The following DIAPH2 variants were observed in gnomAD, a reference collection of about 807,000 sequenced individuals.
DIAPH2 encodes the protein diaphanous related formin 2, also known as protein diaphanous homolog 2.
DIAPH2 carries 35 observed loss-of-function variants against 92.7 expected under a neutral mutation model. The ratio of observed to expected loss-of-function variants is 0.38; its 90% CI spans 0.29 to 0.50. The LOEUF is 0.50. Among genes scored for constraint, DIAPH2 ranks in the 20% least tolerant of loss-of-function variants. The pLI is 0.94. For synonymous variants in DIAPH2, 301 were observed against 280.4 expected, an observed-to-expected ratio of 1.07 and a Z score of -0.73; for missense variants, 701 against 819.5, an observed-to-expected ratio of 0.86 and a Z score of 1.77.
chrX:97,262,403 T>C (rs2068296166), intron 23 of DIAPH2, among the ~76,000 whole-genome samples: 1 of 111,557 alleles, frequency 9.0e-6, no homozygotes, highest in South Asian at 3.7e-4. Context: ...CTGTAAGGAA[T>C]GAGCATGAGT....
intron 26 of DIAPH2, among the ~76,000 whole-genome samples, chrX:97,524,930 G>A (rs1351542183): frequency 8.9e-6 from 1 of 112,167 alleles, no homozygotes; most frequent in African/African-American, 3.2e-5. Flanking sequence ...ATAATGAAAT[G>A]CCTGCTGGAC....
intron 23 of DIAPH2, among the ~76,000 whole-genome samples, chrX:97,268,701 G>T (rs2068358725): frequency 9.0e-6 from 1 of 111,526 alleles, no homozygotes; most frequent in Non-Finnish European, 1.9e-5. Context: ...ACCTTTCAAG[G>T]TTATGGAAAT....
At position 97,603,714 on chromosome X, in the gene DIAPH2, G is replaced by A. The variant is rs1383664028; in HGVS notation, c.*4397G>A. On this transcript the variant is annotated 3_prime_UTR_variant, in exon 27 of 27. Coordinates refer to ENST00000324765, the MANE Select transcript of DIAPH2 (RefSeq NM_006729.5). ...TCACACTACTGTAGTAGACAATTTA[G>A]ATAGATAAACTTTTTGCCACTATAT... The A allele has an allele frequency of 2.7e-5, 3 of 112,266 alleles. No homozygotes were observed. Among genetic ancestry groups the A allele is most frequent in the Non-Finnish European group, 5.6e-5 (3 of 53,290 alleles). The allele number at this position is 112,266 out of a possible 1,213,427, so 9.3% of individuals were successfully genotyped here.
At chrX:97,576,024 TCTCC>T (rs779804334) in intron 26 of DIAPH2, among the ~76,000 whole-genome samples, 95 of 111,398 alleles carry the variant, frequency 8.5e-4, no homozygotes, top group Admixed American at 4.7e-3. Context: ...TTCAAAGCTG[TCTCC>T]CATACTAGCC....
chrX:96,787,684 C>CT (rs1194131993), intron 4 of DIAPH2, among the ~76,000 whole-genome samples: 1 of 81,485 alleles, frequency 1.2e-5, no homozygotes, highest in East Asian at 4.6e-4. Context: ...TTACTCTTTT[C>CT]TCTTTTTTTT....
chrX:97,095,696 C>A (rs959354145), intron 19 of DIAPH2, among the ~76,000 whole-genome samples: 1 of 110,813 alleles, frequency 9.0e-6, no homozygotes, highest in Non-Finnish European at 1.9e-5. Flanking sequence ...CTTAACTAAC[C>A]TTTAAGTGTT....
At chrX:97,286,126 T>C (rs1487818432) in intron 23 of DIAPH2, among the ~76,000 whole-genome samples, 1 of 106,105 alleles carries the variant, frequency 9.4e-6, no homozygotes, top group Non-Finnish European at 1.9e-5. Flanking sequence ...CTGCAACTTC[T>C]GCCTCCCGGG....
At position 96,975,197 on chromosome X, in the gene DIAPH2, G is replaced by A. The variant is rs994702831; in HGVS notation, c.2050+9990G>A. The stretch of plus-strand genomic sequence containing the variant: ...AGATTGAAGTTGTGTGTATGTAAAA[G>A]CACTTTTTCTTTAGGATCATATTTT... On this transcript the variant is annotated intron_variant, in intron 17 of 26. Coordinates refer to ENST00000324765, the MANE Select transcript of DIAPH2 (RefSeq NM_006729.5). 2.7e-5 allele frequency among the ~76,000 whole-genome samples: 3 copies of A among 111,540 alleles called. No homozygotes were observed. The Admixed American group carries it at 2.9e-4, about 11-fold the overall frequency.
chrX:97,524,238 G>A (rs982804709), intron 26 of DIAPH2, among the ~76,000 whole-genome samples: 1 of 112,063 alleles, frequency 8.9e-6, no homozygotes, highest in Non-Finnish European at 1.9e-5. Context: ...AATATTTATA[G>A]TAGTTGCTCA....
chrX:97,580,229 G>A (rs2071429423), intron 26 of DIAPH2, among the ~76,000 whole-genome samples: 1 of 95,382 alleles, frequency 1.0e-5, no homozygotes, highest in African/African-American at 3.8e-5. Flanking sequence ...GTGAGAGAGG[G>A]CATCCCTGTC....
chrX:97,304,025 G>A (rs1337045890), intron 23 of DIAPH2, among the ~76,000 whole-genome samples: 3 of 111,719 alleles, frequency 2.7e-5, no homozygotes, highest in Non-Finnish European at 5.6e-5. Flanking sequence ...GAAATATTCA[G>A]GGGGAGAAAA....
At chrX:96,955,937 G>A (rs1191106935) in intron 15 of DIAPH2, among the ~76,000 whole-genome samples, 1 of 112,400 alleles carries the variant, frequency 8.9e-6, no homozygotes. Context: ...TCATTCTGGG[G>A]TCTGGAGGAT....
intron 5 of DIAPH2, among the ~76,000 whole-genome samples, chrX:96,893,305 CT>C (rs2065319843): frequency 1.8e-5 from 2 of 111,086 alleles, no homozygotes; most frequent in African/African-American, 3.3e-5. Context: ...ATCCAAGTTT[CT>C]TTGTGTGGAG....
At chrX:96,942,753 T>A (rs2065713073) in intron 13 of DIAPH2, among the ~76,000 whole-genome samples, 1 of 111,406 alleles carries the variant, frequency 9.0e-6, no homozygotes, top group Admixed American at 9.5e-5. Flanking sequence ...TGAAGGATGA[T>A]CTGAACCTTC....
At chrX:97,412,768 A>G (rs1190274648) in intron 25 of DIAPH2, among the ~76,000 whole-genome samples, 2 of 112,314 alleles carry the variant, frequency 1.8e-5, no homozygotes, top group African/African-American at 6.5e-5. Context: ...AGAGAATACT[A>G]TAAACACCTC....
intron 23 of DIAPH2, among the ~76,000 whole-genome samples, chrX:97,292,414 G>A (rs1364173963): frequency 8.9e-6 from 1 of 111,763 alleles, no homozygotes; most frequent in Non-Finnish European, 1.9e-5. Context: ...TCCACATGAT[G>A]AAATTTGTAC....
chrX:96,773,246 C>G (rs1441671565), intron 4 of DIAPH2, among the ~76,000 whole-genome samples: 6 of 83,132 alleles, frequency 7.2e-5, no homozygotes, highest in African/African-American at 2.0e-4. Flanking sequence ...TTCCCCCCCC[C>G]TCCCGCCCTC....
rs766178998 is a variant in DIAPH2, at chrX:96,811,173, T to C, written c.447+52915T>C. 2.7e-5 allele frequency among the ~76,000 whole-genome samples: 3 copies of C among 112,134 alleles called. 1 individual carries two copies. In the East Asian group the frequency reaches 8.4e-4, roughly 31 times the overall value. On this transcript the variant is annotated intron_variant, in intron 4 of 26. Coordinates refer to ENST00000324765, the MANE Select transcript of DIAPH2 (RefSeq NM_006729.5). ...GAGCATGGAATGTTCTTCCATTTCT[T>C]TGTGTCCTCTTTTATTTCATTGAGC... is the stretch of plus-strand genomic sequence containing the variant.
At chrX:96,985,530 C>T (rs1473989124) in intron 17 of DIAPH2, among the ~76,000 whole-genome samples, 1 of 109,320 alleles carries the variant, frequency 9.1e-6, no homozygotes, top group Non-Finnish European at 1.9e-5. Context: ...CAGATATATT[C>T]CTTATATACT....
Sources: gnomAD v4.1 joint callset for allele counts (sites outside exome capture counted in the v4.1 genomes callset) on GRCh38, gnomAD v4.1.1 for gene constraint, MANE v1.5 for transcripts, NCBI Gene and HGNC (gene_info 2026-07-23, HGNC 2026-07-21) for gene names.